Variants in LAMB2 observed in about 807,000 individuals in gnomAD.
The protein encoded by LAMB2 is laminin subunit beta 2, also known as laminin subunit beta-2.
A neutral mutation model predicts 202.7 loss-of-function variants in LAMB2; 119 were observed. That is an observed-to-expected ratio of 0.59 (90% CI 0.51 to 0.68). The LOEUF is 0.68. Ranked by LOEUF, LAMB2 falls within the 30% of genes least tolerant of loss-of-function variation. The pLI is 0.00. For synonymous variants in LAMB2, 818 were observed against 902.2 expected, an observed-to-expected ratio of 0.91 and a Z score of 1.67; for missense variants, 2,124 against 2,410.6, an observed-to-expected ratio of 0.88 and a Z score of 2.49.
chr3:49,123,117 AC>A lies in LAMB2; in HGVS notation c.4224+14del. 6.2e-7 allele frequency: 1 copy of A among 1,609,604 alleles called. No homozygotes were observed. Among genetic ancestry groups the A allele is most frequent in the Non-Finnish European group, 8.5e-7 (1 of 1,179,970 alleles). ...CATCTACACCCACCTGCCCCACCCA[AC>A]ACTTCAACCTCACCAGCTCATTTAT... On this transcript the variant is annotated intron_variant, in intron 26 of 31. Transcript: ENST00000305544.
intron 17 of LAMB2, 24 bp downstream of exon 17, chr3:49,125,943 T>A: frequency 1.1e-5 from 18 of 1,614,076 alleles, no homozygotes; most frequent in Non-Finnish European, 1.5e-5. Context: ...CTCTGCCCCA[T>A]CAACCCACAT....
At position 49,123,367 on chromosome 3, in the gene LAMB2, T is replaced by C. The variant is rs755309886; in HGVS notation, c.3989A>G (p.Tyr1330Cys). 2 of 1,613,992 alleles carry C rather than the reference T, an allele frequency of 1.2e-6. No homozygotes were observed. Among genetic ancestry groups the C allele is most frequent in the Non-Finnish European group, 1.7e-6 (2 of 1,180,006 alleles). The change falls in exon 26 of 32, where the codon TAT becomes TGT. Residue 1330 changes from tyrosine (Y) to cysteine (C), a missense_variant. Coordinates refer to ENST00000305544, the MANE Select transcript of LAMB2 (RefSeq NM_002292.4). ...LLKHSNFLGAYDSIRHAHSQS... is the reference protein window; with the variant it reads ...LLKHSNFLGACDSIRHAHSQS... ...GCTATGGGCATGCCGGATGCTGTCA[T>C]AGGCACCTAAATTGGGCAGAGGCAG...
intron 23 of LAMB2, 23 bp from the exon 24 acceptor site, chr3:49,124,123 GAGTT>G: frequency 6.2e-7 from 1 of 1,614,172 alleles, no homozygotes; most frequent in Non-Finnish European, 8.5e-7. Flanking sequence ...GCAGAGCACA[GAGTT>G]AGGGTCACTG....
At chr3:49,128,868 C>T in intron 13 of LAMB2, 49 bp from the exon 14 acceptor site, 1 of 1,604,584 alleles carries the variant, frequency 6.2e-7, no homozygotes, top group Non-Finnish European at 8.5e-7. Flanking sequence ...GGCTTTGCCT[C>T]TTCTGCCACA....
chr3:49,130,999 G>C lies in LAMB2; in HGVS notation c.866C>G (p.Ala289Gly). ...VRGNCFCYGHASECAPAPGAP... is the reference protein window; with the variant it reads ...VRGNCFCYGHGSECAPAPGAP... ...CCCTGGGGCGGGTGCACACTCTGAG[G>C]CGTGTCCGTAGCAGAAGCAGTTGCC... The change falls in exon 7 of 32, where the codon GCC (alanine) becomes GGC (glycine). Residue 289 changes from alanine to glycine, a missense_variant. This residue lies in a region of LAMB2 where 256 missense variants were observed against 356.1 expected (regional missense o/e 0.72). Coordinates refer to ENST00000305544, the MANE Select transcript of LAMB2 (RefSeq NM_002292.4). This position sits in a 1 kb window ranked among gnomAD's most constrained non-coding sequence, Gnocchi z 5.0. 6.2e-7 allele frequency: 1 copy of C among 1,614,042 alleles called. No individual in the cohort carries two copies.
At position 49,132,103 on chromosome 3, in the gene LAMB2, G is replaced by C. The variant is rs2107645214; in HGVS notation, c.459+13C>G. 6.2e-7 allele frequency: 1 copy of C among 1,613,314 alleles called. No individual in the cohort carries two copies. Among genetic ancestry groups the C allele is most frequent in the East Asian group, 2.2e-5 (1 of 44,874 alleles). ...GCAGGGTGATTCGGGCAGGCTCCCA[G>C]ATATGCAGGCACCTTGAAGGTCATA... On this transcript the variant is annotated intron_variant, in intron 4 of 31. Coordinates refer to ENST00000305544, the MANE Select transcript of LAMB2 (RefSeq NM_002292.4). This position sits in a 1 kb window ranked among gnomAD's most constrained non-coding sequence, Gnocchi z 4.6.
rs372405688 is a variant in LAMB2, at chr3:49,122,330, T to G, written c.4614A>C (p.Thr1538=). 8 of 1,613,272 alleles carry G rather than the reference T, an allele frequency of 5.0e-6. No individual in the cohort carries two copies. In the South Asian group the frequency reaches 8.8e-5, roughly 18 times the overall value. Reference sequence around the variant, plus strand: ...CTGGGATGGAGAGCTCTAGCACCCGTGTGGCCACCATTTCAATGCTATCAG... The same window carrying G: ...CTGGGATGGAGAGCTCTAGCACCCGGGTGGCCACCATTTCAATGCTATCAG... ...ADPDSIEMVA[T]RVLELSIPAS... is the part of the protein sequence containing the mutation. Residue 1538 remains threonine, a synonymous_variant, in exon 28 of 32, where the codon ACA becomes ACC. Coordinates refer to ENST00000305544, the MANE Select transcript of LAMB2 (RefSeq NM_002292.4).
chr3:49,129,624 G>A lies in LAMB2; in HGVS notation c.1498C>T (p.Arg500Cys), dbSNP rs199518288. 5.6e-6 allele frequency: 9 copies of A among 1,613,664 alleles called. No homozygotes were observed. Among genetic ancestry groups the A allele is most frequent in the Non-Finnish European group, 6.8e-6 (8 of 1,179,730 alleles). Reference sequence around the variant, plus strand: ...CGCACCAGGCAGCGGTCACATCCACGTCCAGTCACTAGACGTTTGCAGTAA... The same window carrying A: ...CGCACCAGGCAGCGGTCACATCCACATCCAGTCACTAGACGTTTGCAGTAA... ...SCYCKRLVTGRGCDRCLPGHW... is the reference protein window; with the variant it reads ...SCYCKRLVTGCGCDRCLPGHW... Residue 500 changes from arginine to cysteine, a missense_variant, in exon 11 of 32, where the codon CGT (arginine) becomes TGT (cysteine). By Grantham distance (180) the Arg-to-Cys change is radical. This residue lies in a region of LAMB2 where 1,702 missense variants were observed against 1,896.3 expected (regional missense o/e 0.90). Transcript: ENST00000305544. The surrounding 1 kb of genome is among the most constrained non-coding windows in gnomAD (Gnocchi z 6.1).
rs2045358294 is a variant in LAMB2 at position 49,122,815 on chromosome 3, G to C, written c.4462C>G (p.Gln1488Glu). Reference protein sequence around the residue: ...AETRRQASEAQQRAQAALDKA... With the variant: ...AETRRQASEAEQRAQAALDKA... ...TCCAGGGCTGCCTGGGCCCGCTGCT[G>C]TGCCTCGCTTGCCTGCCGACGAGTC... Residue 1488 changes from glutamine (Q) to glutamate (E), a missense_variant, in exon 27 of 32, where the codon CAG becomes GAG. Gln to Glu is a conservative substitution (Grantham distance 29, BLOSUM62 2). Transcript: ENST00000305544. 4 of 1,613,474 alleles carry C rather than the reference G, an allele frequency of 2.5e-6. No individual in the cohort carries two copies. The East Asian group carries it at 8.9e-5, about 36-fold the overall frequency.
At position 49,129,298 on chromosome 3, in the gene LAMB2, G is replaced by A. The variant is rs1209921015; in HGVS notation, c.1545C>T (p.Asp515=). Residue 515 remains aspartate, a synonymous_variant, in exon 12 of 32, where the codon GAC becomes GAT. Transcript: ENST00000305544. This position sits in a 1 kb window ranked among gnomAD's most constrained non-coding sequence, Gnocchi z 6.1. ...AGTCACAGGGGCGGCAGCCGAGCAG[G>A]TCGTGGCTCAGGCCCCAGTGGCCAG... The part of the protein sequence containing the change: ...CLPGHWGLSH[D]LLGCRPCDCD... 9 of 1,613,440 alleles carry A rather than the reference G, an allele frequency of 5.6e-6. No individual in the cohort carries two copies. The highest frequency in any genetic ancestry group is 7.6e-6 in the Non-Finnish European group (9 of 1,179,798).
Position 49,125,020 on chromosome 3 carries a change from C to A in LAMB2, c.2870G>T (p.Arg957Leu). ...EYSQQIVCHC[R>L]AGYTGLRCEA... ...CATCCACTCACCCGTATAGCCTGCC[C>A]GGCAGTGGCACACAATCTGCTGGGA... The change falls in exon 20 of 32, where the codon CGG becomes CTG. Residue 957 changes from arginine to leucine, a missense_variant. Coordinates refer to ENST00000305544, the MANE Select transcript of LAMB2 (RefSeq NM_002292.4). 1 of 1,613,936 alleles carries A rather than the reference C, an allele frequency of 6.2e-7. No individual in the cohort carries two copies. The highest frequency in any genetic ancestry group is 8.5e-7 in the Non-Finnish European group (1 of 1,180,042).
rs201043820 is a variant in LAMB2, at chr3:49,130,812, C to T, written c.964G>A (p.Glu322Lys). 14 of 1,614,160 alleles carry T rather than the reference C, an allele frequency of 8.7e-6. No homozygotes were observed. The highest frequency in any genetic ancestry group is 8.0e-5 in the African/African-American group (6 of 75,046). ...TCACGATAGAAATCCTGACACTGCTCGCAGTTGAGGCCACGTGTGTTGTGT... is the reference window on the plus strand; with the variant it reads ...TCACGATAGAAATCCTGACACTGCTTGCAGTTGAGGCCACGTGTGTTGTGT... ...CKHNTRGLNC[E>K]QCQDFYRDLP... is the part of the protein sequence containing the mutation. The change falls in exon 8 of 32, where the codon GAG becomes AAG. Residue 322 changes from glutamate to lysine, a missense_variant. Physicochemically the swap from Glu to Lys is moderately conservative, Grantham distance 56 (BLOSUM62 1). This residue lies in a region of LAMB2 where 256 missense variants were observed against 356.1 expected (regional missense o/e 0.72). Transcript: ENST00000305544. This position sits in a 1 kb window ranked among gnomAD's most constrained non-coding sequence, Gnocchi z 5.0.
rs912735454 is a variant in LAMB2 at position 49,126,455 on chromosome 3, G to C, written c.2061C>G (p.Ile687Met). The C allele has an allele frequency of 2.8e-5, 46 of 1,614,046 alleles. No individual in the cohort carries two copies. Among genetic ancestry groups the C allele is most frequent in the Non-Finnish European group, 3.9e-5 (46 of 1,180,028 alleles). Residue 687 changes from isoleucine (I) to methionine (M), a missense_variant, in exon 16 of 32, where the codon ATC becomes ATG. Physicochemically the swap from Ile to Met is conservative, Grantham distance 10. This residue lies in a region of LAMB2 where 1,702 missense variants were observed against 1,896.3 expected (regional missense o/e 0.90). Transcript: ENST00000305544. ...FPNPVCLEPG[I>M]SYKLHLKLVR... The stretch of plus-strand genomic sequence containing the variant: ...CCAGCTTCAGATGCAGCTTGTAGGA[G>C]ATACCAGGCTCAAGGCAGACAGGAT...
rs912105305 is a variant in LAMB2, at chr3:49,128,930, C to G, written c.1731+90G>C. 96 of 1,600,182 alleles carry G rather than the reference C, an allele frequency of 6.0e-5. No homozygotes were observed. The Admixed American group carries it at 1.4e-3, about 23-fold the overall frequency. ...CCAAAGCTAGATATCACCCCTATCC[C>G]CTCAACAAGGTACTGCCCATAACCC... On this transcript the variant is annotated intron_variant, in intron 13 of 31. Coordinates refer to ENST00000305544, the MANE Select transcript of LAMB2 (RefSeq NM_002292.4).
Position 49,131,637 on chromosome 3 carries a change from A to T in LAMB2, c.546T>A (p.Cys182Ter). 6.2e-7 allele frequency: 1 copy of T among 1,613,776 alleles called. No homozygotes were observed. Among genetic ancestry groups the T allele is most frequent in the Non-Finnish European group, 8.5e-7 (1 of 1,180,034 alleles). ...WHVYRYFSYD[C>*]GADFPGVPLA... ...GTGGGACTCCTGGGAAGTCAGCCCC[A>T]CAGTCATAGGAGAAATATCGGTACA... The change falls in exon 5 of 32, where the codon TGT becomes TGA. Residue 182 changes from cysteine to a stop codon, truncating the protein, a stop_gained. Coordinates refer to ENST00000305544, the MANE Select transcript of LAMB2 (RefSeq NM_002292.4). LOFTEE classifies it high-confidence loss of function. This position sits in a 1 kb window ranked among gnomAD's most constrained non-coding sequence, Gnocchi z 5.0.
rs1560073871 is a variant in LAMB2 at position 49,126,035 on chromosome 3, G to A, written c.2276C>T (p.Thr759Ile). Residue 759 changes from threonine to isoleucine, a missense_variant, in exon 17 of 32, where the codon ACT (threonine) becomes ATT (isoleucine). Around this residue, in one of 3 missense-constraint regions of LAMB2, gnomAD observed 1,702 missense variants for 1,896.3 expected, o/e 0.90. Transcript: ENST00000305544. ...CHEEGLVPSK[T>I]SPSEACAPLL... The stretch of plus-strand genomic sequence containing the variant: ...GGGTGCGCAGGCCTCAGAGGGAGAA[G>A]TCTTGCTGGGCACCAGACCCTCCTC... 6.2e-7 allele frequency: 1 copy of A among 1,614,192 alleles called. No individual in the cohort carries two copies. Among genetic ancestry groups the A allele is most frequent in the Non-Finnish European group, 8.5e-7 (1 of 1,180,024 alleles).
Position 49,124,888 on chromosome 3 carries a change from C to G in LAMB2, c.2922G>C (p.Gly974=), listed in dbSNP as rs145465720. The G allele has an allele frequency of 3.7e-4, 599 of 1,614,096 alleles. No individual in the cohort carries two copies. The highest frequency in any genetic ancestry group is 4.3e-4 in the Non-Finnish European group (511 of 1,180,028). ...RCEACAPGHF[G]DPSRPGGRCQ... is the part of the protein sequence containing the mutation. ...ACCGGCCACCTGGCCTTGATGGGTC[C>G]CCAAAGTGCCCAGGGGCACAAGCTT... Residue 974 remains glycine, a synonymous_variant, in exon 21 of 32, where the codon GGG becomes GGC. Transcript: ENST00000305544.
At position 49,123,431 on chromosome 3, in the gene LAMB2, T is replaced by C. The variant is rs746980786; in HGVS notation, c.3982+16A>G. 6.2e-6 allele frequency: 10 copies of C among 1,614,018 alleles called. No individual in the cohort carries two copies. The East Asian group carries it at 2.2e-4, about 36-fold the overall frequency. On this transcript the variant is annotated intron_variant, in intron 25 of 31. Coordinates refer to ENST00000305544, the MANE Select transcript of LAMB2 (RefSeq NM_002292.4). ...GACTGACCCTGGTCCACCTGCCTAG[T>C]TGGCTAACAACTCACCCAGGAAGTT...
rs750238693 is a variant in LAMB2, at chr3:49,121,780, C to G, written c.5004G>C (p.Glu1668Asp). The change falls in exon 30 of 32, where the codon GAG (glutamate) becomes GAC (aspartate). Residue 1668 changes from glutamate to aspartate, a missense_variant. Physicochemically the swap from Glu to Asp is conservative, Grantham distance 45. Around this residue, in one of 3 missense-constraint regions of LAMB2, gnomAD observed 1,702 missense variants for 1,896.3 expected, o/e 0.90. Transcript: ENST00000305544. ...TTCCTGCCCGTTTCAATTTCAGAGCCTCCAGGAGAGCATCCAACTGCCGAG... is the reference window on the plus strand; with the variant it reads ...TTCCTGCCCGTTTCAATTTCAGAGCGTCCAGGAGAGCATCCAACTGCCGAG... ...ERARQLDALL[E>D]ALKLKRAGNS... The G allele has an allele frequency of 1.2e-6, 2 of 1,613,538 alleles. No individual in the cohort carries two copies. Among genetic ancestry groups the G allele is most frequent in the East Asian group, 2.2e-5 (1 of 44,884 alleles).
Sources: allele counts gnomAD v4.1 joint callset, GRCh38; gene constraint gnomAD v4.1.1; regional missense constraint gnomAD v4.1.1; non-coding constraint Gnocchi (gnomAD v3.1); transcripts MANE v1.5; gene names NCBI Gene and HGNC (gene_info 2026-07-23, HGNC 2026-07-21).